The following COL6A3 variants were observed in gnomAD, a reference collection of about 807,000 sequenced individuals.
COL6A3 encodes collagen type VI alpha 3 chain, also known as collagen alpha-3(VI) chain.
Under a neutral mutation model 274.1 loss-of-function variants are expected in COL6A3, and 137 were observed. That is an observed-to-expected ratio of 0.50 (90% CI 0.44 to 0.58). COL6A3 has a LOEUF of 0.58. COL6A3 is among the 20% of genes least tolerant of loss of function. The pLI, the probability that COL6A3 is intolerant of heterozygous loss-of-function variation, is 0.00. For missense variants in COL6A3, 3,950 were observed against 4,124.9 expected (o/e 0.96, Z 1.16); for synonymous variants, 1,650 against 1,650.6 (o/e 1.00, Z 0.01).
At position 237,344,335 on chromosome 2, in the gene COL6A3, G is replaced by T. The variant is rs762052453; in HGVS notation, c.7668+15C>A. 3.1e-6 allele frequency: 5 copies of T among 1,614,110 alleles called. No individual in the cohort carries two copies. The highest frequency in any genetic ancestry group is 2.2e-5 in the East Asian group (1 of 44,878). Reference sequence around the variant, plus strand: ...GAAGAAAGGGAGATGCCAACAGCACGCACAGAGCACAGACCTGCAAAGCGT... The same window carrying T: ...GAAGAAAGGGAGATGCCAACAGCACTCACAGAGCACAGACCTGCAAAGCGT... On this transcript the variant is annotated intron_variant, in intron 36 of 43. Transcript: ENST00000295550. This position sits in a 1 kb window ranked among gnomAD's most constrained non-coding sequence, Gnocchi z 4.8.
At chr2:237,409,541 G>A (rs1358813646) in intron 1 of COL6A3, among the ~76,000 whole-genome samples, 1 of 151,876 alleles carries the variant, frequency 6.6e-6, no homozygotes, top group Non-Finnish European at 1.5e-5. Context: ...TTTTTTGTTT[G>A]TTTGTTTGTT....
At chr2:237,342,218 A>G in intron 36 of COL6A3, 57 bp from the exon 37 acceptor site, 2 of 1,347,330 alleles carry the variant, frequency 1.5e-6, no homozygotes, top group Non-Finnish European at 2.1e-6. Context: ...TAATATCTGA[A>G]AATATGGCAG....
At chr2:237,370,497 A>G (rs1384567491) in intron 9 of COL6A3, among the ~76,000 whole-genome samples, 1 of 152,198 alleles carries the variant, frequency 6.6e-6, no homozygotes, top group Non-Finnish European at 1.5e-5. Context: ...TCGGCCTCCC[A>G]AAGTGCTGGG....
At chr2:237,370,085 C>T (rs2077650370) in intron 9 of COL6A3, among the ~76,000 whole-genome samples, 1 of 151,446 alleles carries the variant, frequency 6.6e-6, no homozygotes, top group Admixed American at 6.6e-5. Context: ...TGGTCTTGAA[C>T]TCCTGGGCCC....
intron 4 of COL6A3, among the ~76,000 whole-genome samples, chr2:237,385,828 T>C (rs2078130614): frequency 2.0e-5 from 3 of 152,192 alleles, no homozygotes. Flanking sequence ...CCATTTGCAT[T>C]CAGAACATTA....
chr2:237,396,106 C>T (rs763388862), intron 2 of COL6A3, among the ~76,000 whole-genome samples: 1 of 152,260 alleles, frequency 6.6e-6, no homozygotes, highest in Non-Finnish European at 1.5e-5. Context: ...AGAGGCCAAG[C>T]TCTCTGGGTC....
chr2:237,325,510 C>T lies in COL6A3; in HGVS notation c.9493+50G>A, dbSNP rs529522130. 1.3e-4 allele frequency: 214 copies of T among 1,599,038 alleles called. 2 individuals are homozygous for T. In the South Asian group the frequency reaches 2.3e-3, roughly 17 times the overall value. On this transcript the variant is annotated intron_variant, in intron 43 of 43. Coordinates refer to ENST00000295550, the MANE Select transcript of COL6A3 (RefSeq NM_004369.4). The stretch of plus-strand genomic sequence containing the variant: ...AATATTTTTCAAGGTGACTTATTGA[C>T]CTGAATCTCTTATTTGCAGAAGCCA...
rs780688368 is a variant in COL6A3 at position 237,380,904 on chromosome 2, C to T, written c.1897+11G>A. ...CACCCCATTGTGTGTCTGAAGCCATCACCACCATACCTTCAGGGGTTCCAG... is the reference window on the plus strand; with the variant it reads ...CACCCCATTGTGTGTCTGAAGCCATTACCACCATACCTTCAGGGGTTCCAG... On this transcript the variant is annotated intron_variant, in intron 5 of 43. Coordinates refer to ENST00000295550, the MANE Select transcript of COL6A3 (RefSeq NM_004369.4). 4 of 1,612,400 alleles carry T rather than the reference C, an allele frequency of 2.5e-6. No individual in the cohort carries two copies. In the Admixed American group the frequency reaches 5.0e-5, roughly 20 times the overall value.
chr2:237,340,481 A>C lies in COL6A3; in HGVS notation c.8435T>G (p.Phe2812Cys), dbSNP rs771781114. The C allele has an allele frequency of 6.2e-7, 1 of 1,613,858 alleles. No individual in the cohort carries two copies. The highest frequency in any genetic ancestry group is 8.5e-7 in the Non-Finnish European group (1 of 1,180,026). The change falls in exon 38 of 44, where the codon TTC (phenylalanine) becomes TGC (cysteine). Residue 2812 changes from phenylalanine to cysteine, a missense_variant. Transcript: ENST00000295550. ...TELNEEPLMR[F>C]GRLLPSFVSS... is the part of the protein sequence containing the mutation. ...GACGAAGGATGGCAACAGCCTCCCGAAGCGCATCAAAGGCTCCTCGTTGAG... is the reference window on the plus strand; with the variant it reads ...GACGAAGGATGGCAACAGCCTCCCGCAGCGCATCAAAGGCTCCTCGTTGAG...
chr2:237,364,232 C>T lies in COL6A3; in HGVS notation c.5917+118G>A. The stretch of plus-strand genomic sequence containing the variant: ...CCACAACGCTGGGAGGAAGAGTCTC[C>T]CAAGACAACGCTGCTCCCTTGGGGC... On this transcript the variant is annotated intron_variant, in intron 13 of 43. Transcript: ENST00000295550. This position sits in a 1 kb window ranked among gnomAD's most constrained non-coding sequence, Gnocchi z 4.6. 1 of 830,008 alleles carries T rather than the reference C, an allele frequency of 1.2e-6. No individual in the cohort carries two copies. Among genetic ancestry groups the T allele is most frequent in the Non-Finnish European group, 2.0e-6 (1 of 488,824 alleles). The allele number at this position is 830,008 out of a possible 1,614,324, so 51.4% of individuals were successfully genotyped here.
At position 237,363,385 on chromosome 2, in the gene COL6A3, C is replaced by G; in HGVS notation, c.5931G>C (p.Leu1977Phe). Residue 1977 changes from leucine to phenylalanine, a missense_variant, in exon 14 of 44, where the codon TTG (leucine) becomes TTC (phenylalanine). Around this residue, in one of 5 missense-constraint regions of COL6A3, gnomAD observed 632 missense variants for 623.4 expected, o/e 1.01. Coordinates refer to ENST00000295550, the MANE Select transcript of COL6A3 (RefSeq NM_004369.4). The part of the protein sequence containing the change: ...ENLRQEGVRA[L>F]ILVGLERVVN... ...CCACTCGTTCAAGGCCCACCAGGATCAAGGCACGGACTCCTGCAAAGAAAG... is the reference window on the plus strand; with the variant it reads ...CCACTCGTTCAAGGCCCACCAGGATGAAGGCACGGACTCCTGCAAAGAAAG... 6.2e-7 allele frequency: 1 copy of G among 1,614,194 alleles called. No individual in the cohort carries two copies. The highest frequency in any genetic ancestry group is 1.1e-5 in the South Asian group (1 of 91,074).
intron 1 of COL6A3, among the ~76,000 whole-genome samples, chr2:237,401,388 A>G (rs2078585564): frequency 6.6e-6 from 1 of 151,246 alleles, no homozygotes; most frequent in African/African-American, 2.4e-5. Flanking sequence ...TCATTTCAAC[A>G]GTGTTTTATA....
At chr2:237,388,293 A>G (rs1382152562) in intron 3 of COL6A3, 109 bp from the exon 4 acceptor site, 1 of 1,375,602 alleles carries the variant, frequency 7.3e-7, no homozygotes, top group Non-Finnish European at 1.0e-6. Flanking sequence ...AACACGAAAT[A>G]TGGGCAAACA....
chr2:237,413,727 C>G lies in COL6A3; in HGVS notation c.-31+226G>C, dbSNP rs1000459220. 3.9e-5 allele frequency among the ~76,000 whole-genome samples: 6 copies of G among 152,228 alleles called. No individual in the cohort carries two copies. The highest frequency in any genetic ancestry group is 1.4e-4 in the African/African-American group (6 of 41,456). ...CACAGACACGCGGTGGAAAAGTGCT[C>G]ACACTCTTAGGCAATCATGACCTTA... On this transcript the variant is annotated intron_variant, in intron 1 of 43. Coordinates refer to ENST00000295550, the MANE Select transcript of COL6A3 (RefSeq NM_004369.4). This position sits in a 1 kb window ranked among gnomAD's most constrained non-coding sequence, Gnocchi z 4.0.
At chr2:237,346,673 C>T (rs1288055632) in intron 31 of COL6A3, 108 bp from the exon 32 acceptor site, 1 of 982,092 alleles carries the variant, frequency 1.0e-6, no homozygotes, top group African/African-American at 1.7e-5. Flanking sequence ...GGGACTCCAT[C>T]ACCACGAAAA....
At chr2:237,332,872 C>G (rs1324007188) in intron 42 of COL6A3, 1 of 156,464 alleles carries the variant, frequency 6.4e-6, no homozygotes, top group Non-Finnish European at 1.4e-5. Flanking sequence ...TAACAGCTGT[C>G]AGTTCCTGAA....
intron 1 of COL6A3, among the ~76,000 whole-genome samples, chr2:237,397,660 C>T (rs746417345): frequency 2.6e-5 from 4 of 152,176 alleles, no homozygotes; most frequent in African/African-American, 7.2e-5. Context: ...CCTCTCTGGA[C>T]ATTCTTAAAC....
In COL6A3 at chr2:237,407,530, C is replaced by T. The variant is rs968703394; in HGVS notation, c.-31+6423G>A. Reference sequence around the variant, plus strand: ...AATGCCCTCCCTCTGTGAATGAGAGCACCTGTAAGAATATGCCGACCTGCA... The same window carrying T: ...AATGCCCTCCCTCTGTGAATGAGAGTACCTGTAAGAATATGCCGACCTGCA... On this transcript the variant is annotated intron_variant, in intron 1 of 43. Transcript: ENST00000295550. This position sits in a 1 kb window ranked among gnomAD's most constrained non-coding sequence, Gnocchi z 4.3. Among the ~76,000 whole-genome samples the T allele has an allele frequency of 6.6e-6, 1 of 152,246 alleles. No homozygotes were observed. The highest frequency in any genetic ancestry group is 1.5e-5 in the Non-Finnish European group (1 of 68,040).
intron 42 of COL6A3, among the ~76,000 whole-genome samples, chr2:237,331,711 C>G (rs2106307221): frequency 1.6e-5 from 2 of 125,276 alleles, no homozygotes; most frequent in African/African-American, 6.5e-5. Flanking sequence ...TATGCAGGGC[C>G]TTGTTCTTTT....
Sources: gnomAD v4.1 joint callset for allele counts (sites outside exome capture counted in the v4.1 genomes callset) on GRCh38, gnomAD v4.1.1 for gene constraint, gnomAD v4.1.1 regional missense constraint, Gnocchi (gnomAD v3.1) non-coding constraint, MANE v1.5 for transcripts, NCBI Gene and HGNC (gene_info 2026-07-23, HGNC 2026-07-21) for gene names.